The following SAMD7 variants were observed in gnomAD, a reference collection of about 807,000 sequenced individuals.
SAMD7 encodes sterile alpha motif domain containing 7, also known as sterile alpha motif domain-containing protein 7.
In SAMD7, 34 loss-of-function variants were observed where a neutral mutation model predicts 36.7. That is an observed-to-expected ratio of 0.93 (90% CI 0.71 to 1.23). The LOEUF (loss-of-function observed/expected upper bound fraction) is 1.23, where lower values mean the gene tolerates loss of function less well. Among genes scored for constraint, SAMD7 ranks in the 50% most tolerant of loss-of-function variants. SAMD7 has a pLI of 0.00. For missense variants in SAMD7, 570 were observed against 546.6 expected (o/e 1.04, Z -0.43); for synonymous variants, 188 against 189.7 (o/e 0.99, Z 0.07).
rs1406200263 is a variant in SAMD7, at chr3:169,925,153, G to T, written c.290+17G>T. 1.3e-6 allele frequency: 2 copies of T among 1,552,906 alleles called. No homozygotes were observed. The highest frequency in any genetic ancestry group is 1.8e-6 in the Non-Finnish European group (2 of 1,132,472). The stretch of plus-strand genomic sequence containing the variant: ...TACTGCCAGGTAATTTGGCAATGTT[G>T]TTTTATTTATTCTCTATTCATTCAC... On this transcript the variant is annotated intron_variant, in intron 5 of 8. Transcript: ENST00000335556.
intron 7 of SAMD7, among the ~76,000 whole-genome samples, chr3:169,930,264 C>T (rs1247693443): frequency 6.6e-6 from 1 of 152,218 alleles, no homozygotes; most frequent in East Asian, 1.9e-4. Flanking sequence ...GCGCCCTCTT[C>T]CCTACCCCAA....
intron 7 of SAMD7, chr3:169,931,953 T>G: frequency 9.7e-6 from 4 of 410,340 alleles, no homozygotes; most frequent in Non-Finnish European, 1.2e-5. Flanking sequence ...CCTTGATAAG[T>G]GAGCCAGAGA....
chr3:169,917,255 G>C (rs984861419), intron 2 of SAMD7, among the ~76,000 whole-genome samples: 1 of 152,126 alleles, frequency 6.6e-6, no homozygotes, highest in Admixed American at 6.5e-5. Flanking sequence ...CCATGTGAAT[G>C]AATTAACCTC....
At chr3:169,914,539 G>T (rs1712722221) in intron 1 of SAMD7, among the ~76,000 whole-genome samples, 1 of 152,098 alleles carries the variant, frequency 6.6e-6, no homozygotes, top group Non-Finnish European at 1.5e-5. Flanking sequence ...GCAGGCACTT[G>T]GAATAGCTTG....
At chr3:169,932,986 C>T (rs908086766) in intron 7 of SAMD7, 4 of 718,900 alleles carry the variant, frequency 5.6e-6, no homozygotes, top group Admixed American at 3.6e-5. Flanking sequence ...TTCTTTCCCC[C>T]CCTCTATCAG....
intron 1 of SAMD7, among the ~76,000 whole-genome samples, chr3:169,914,812 G>C (rs1354637663): frequency 6.6e-6 from 1 of 152,050 alleles, no homozygotes; most frequent in Non-Finnish European, 1.5e-5. Flanking sequence ...GGAACCTACA[G>C]AGCCTCATAT....
intron 4 of SAMD7, among the ~76,000 whole-genome samples, chr3:169,921,679 G>A (rs1713051275): frequency 6.6e-6 from 1 of 152,234 alleles, no homozygotes; most frequent in Non-Finnish European, 1.5e-5. Context: ...GGGCCCGATG[G>A]TCATAGTGAG....
chr3:169,917,801 C>T (rs1221852937), intron 2 of SAMD7, among the ~76,000 whole-genome samples: 2 of 151,920 alleles, frequency 1.3e-5, no homozygotes, highest in Admixed American at 1.3e-4. Context: ...GCCACCATAC[C>T]TGACTAATTT....
intron 3 of SAMD7, among the ~76,000 whole-genome samples, chr3:169,920,291 T>G (rs1238105795): frequency 1.3e-5 from 2 of 152,232 alleles, no homozygotes; most frequent in Non-Finnish European, 2.9e-5. Flanking sequence ...TGCTGCAGGG[T>G]TGGTGTCTGG....
chr3:169,912,085 A>G (rs905484284), intron 1 of SAMD7, among the ~76,000 whole-genome samples: 4 of 152,250 alleles, frequency 2.6e-5, no homozygotes, highest in African/African-American at 9.6e-5. Flanking sequence ...AAGTGAAAGT[A>G]AAATGAAGTT....
At chr3:169,914,686 A>G (rs1461866200) in intron 1 of SAMD7, among the ~76,000 whole-genome samples, 3 of 152,314 alleles carry the variant, frequency 2.0e-5, no homozygotes, top group Admixed American at 1.3e-4. Flanking sequence ...TTAATTGTAC[A>G]TTAGATAAGA....
intron 7 of SAMD7, chr3:169,933,082 C>A (rs771459293): frequency 3.3e-6 from 3 of 897,990 alleles, no homozygotes; most frequent in Non-Finnish European, 5.6e-6. Flanking sequence ...TCTGCCATGG[C>A]CCATGACCCC....
At chr3:169,930,573 C>A (rs199849912) in intron 7 of SAMD7, among the ~76,000 whole-genome samples, 3 of 78,126 alleles carry the variant, frequency 3.8e-5, no homozygotes, top group African/African-American at 1.2e-4. Context: ...TAGCCCCTTT[C>A]TTTTCTTTTT....
At chr3:169,915,573 ATTTTTTTTTTTTTT>A (rs59645657) in intron 2 of SAMD7, 132 bp downstream of exon 2, 16 of 59,572 alleles carry the variant, frequency 2.7e-4, no homozygotes, top group African/African-American at 9.4e-4. Flanking sequence ...TATATATATA[ATTTTTTTTTTTTTT>A]TTTTTTTTTT....
At chr3:169,931,715 G>T (rs1280092786) in intron 7 of SAMD7, among the ~76,000 whole-genome samples, 2 of 152,230 alleles carry the variant, frequency 1.3e-5, no homozygotes, top group African/African-American at 4.8e-5. Flanking sequence ...GGCTGGCTCA[G>T]CGCTGAGAGA....
intron 6 of SAMD7, 132 bp from the exon 7 acceptor site, chr3:169,928,325 C>A: frequency 1.6e-6 from 1 of 627,708 alleles, no homozygotes; most frequent in Non-Finnish European, 2.7e-6. Flanking sequence ...AAAACATCTC[C>A]TAGTAATTCC....
chr3:169,931,864 G>C (rs1677265299), intron 7 of SAMD7: 1 of 201,106 alleles, frequency 5.0e-6, no homozygotes, highest in African/African-American at 2.4e-5. Flanking sequence ...GACGCAACGG[G>C]AACTGTGGAA....
chr3:169,921,651 G>T (rs141895274), intron 4 of SAMD7, among the ~76,000 whole-genome samples: 6 of 152,318 alleles, frequency 3.9e-5, no homozygotes, highest in African/African-American at 1.4e-4. Context: ...AATTAATGGG[G>T]CTTAAGGCAG....
intron 7 of SAMD7, chr3:169,933,278 A>G: frequency 2.1e-6 from 1 of 470,800 alleles, no homozygotes; most frequent in Non-Finnish European, 3.9e-6. Context: ...ACAAAGATAG[A>G]GAAGCAGCAC....
Sources: allele counts gnomAD v4.1 joint callset (sites outside exome capture counted in the v4.1 genomes callset), GRCh38; gene constraint gnomAD v4.1.1; transcripts MANE v1.5; gene names NCBI Gene and HGNC (gene_info 2026-07-23, HGNC 2026-07-21).